Variants in MAPK10 observed in about 807,000 individuals in gnomAD.
MAPK10 encodes the protein mitogen-activated protein kinase 10.
MAPK10 carries 25 observed loss-of-function variants against 59.3 expected under a neutral mutation model. That is an observed-to-expected ratio of 0.42 (90% CI 0.31 to 0.59). The LOEUF is 0.59. Ranked by LOEUF, MAPK10 falls within the 20% of genes least tolerant of loss-of-function variation. The probability of loss-of-function intolerance (pLI) is 0.15; values close to 1 mark genes in which losing one functional copy is unlikely to be tolerated. For missense variants in MAPK10, 351 were observed against 568.9 expected (o/e 0.62, Z 3.90); for synonymous variants, 190 against 200.5 (o/e 0.95, Z 0.44).
chr4:86,074,461 G>A lies in MAPK10; in HGVS notation c.803-6506C>T, dbSNP rs200440959. 3.7e-3 allele frequency among the ~76,000 whole-genome samples: 554 copies of A among 149,492 alleles called. 22 individuals are homozygous for A. In the East Asian group the frequency reaches 0.09, roughly 24 times the overall value. ...ATGATGTTAGCTGGTGATTTTGCTC[G>A]TTAGTTGATGCAGTTTCTTCCTAGT... On this transcript the variant is annotated intron_variant, in intron 9 of 13. Transcript: ENST00000641462.
intron 2 of MAPK10, among the ~76,000 whole-genome samples, chr4:86,214,394 G>GA (rs931824461): frequency 8.7e-5 from 13 of 149,558 alleles, no homozygotes; most frequent in Middle Eastern, 3.2e-3. Context: ...AGCAATTAGG[G>GA]AAAAAAACAG....
At chr4:86,254,894 A>G (rs2093635747) in intron 2 of MAPK10, among the ~76,000 whole-genome samples, 1 of 152,088 alleles carries the variant, frequency 6.6e-6, no homozygotes, top group Admixed American at 6.6e-5. Context: ...TATTCTCGGA[A>G]ATACCAAAAC....
chr4:86,498,085 C>T (rs1755021837), intron 1 of MAPK10, among the ~76,000 whole-genome samples: 1 of 152,230 alleles, frequency 6.6e-6, no homozygotes, highest in Non-Finnish European at 1.5e-5. Flanking sequence ...AGACAATGTG[C>T]TTTCTGTTTT....
chr4:86,113,196 G>A (rs77244443), intron 4 of MAPK10, among the ~76,000 whole-genome samples: 2,264 of 151,768 alleles, frequency 0.015, 57 homozygotes, highest in African/African-American at 0.052. Context: ...TTTTAATTAG[G>A]GTATTTAGCC....
At chr4:86,036,160 T>A (rs1387679979) in intron 11 of MAPK10, among the ~76,000 whole-genome samples, 1 of 152,148 alleles carries the variant, frequency 6.6e-6, no homozygotes, top group Non-Finnish European at 1.5e-5. Context: ...GGATTTTGAC[T>A]CGCAGGGCAC....
At chr4:86,285,830 A>G (rs1460557388) in intron 2 of MAPK10, among the ~76,000 whole-genome samples, 2 of 152,214 alleles carry the variant, frequency 1.3e-5, no homozygotes, top group East Asian at 1.9e-4. Context: ...AGGGAAGCCA[A>G]TGGTATGAGT....
chr4:86,584,860 A>G (rs1160685204), intron 1 of MAPK10, among the ~76,000 whole-genome samples: 1 of 152,180 alleles, frequency 6.6e-6, no homozygotes, highest in Non-Finnish European at 1.5e-5. Context: ...TCAAGCTGCT[A>G]TTGGTGAAGA....
At chr4:86,211,590 G>A (rs979328424) in intron 2 of MAPK10, among the ~76,000 whole-genome samples, 2 of 151,980 alleles carry the variant, frequency 1.3e-5, no homozygotes, top group Admixed American at 6.6e-5. Context: ...AAGTCATTCG[G>A]GTTAAAATGA....
At chr4:86,584,300 C>T (rs1762512531) in intron 1 of MAPK10, among the ~76,000 whole-genome samples, 1 of 152,120 alleles carries the variant, frequency 6.6e-6, no homozygotes, top group African/African-American at 2.4e-5. Context: ...TAAGCAGCAG[C>T]AGACGTGTCA....
intron 1 of MAPK10, among the ~76,000 whole-genome samples, chr4:86,425,841 C>T (rs755497654): frequency 6.6e-6 from 1 of 152,114 alleles, no homozygotes; most frequent in East Asian, 1.9e-4. Context: ...CATGGTGGCA[C>T]ATGCCTGTAA....
intron 11 of MAPK10, among the ~76,000 whole-genome samples, chr4:86,036,785 T>C (rs2040400968): frequency 6.6e-6 from 1 of 152,350 alleles, no homozygotes; most frequent in African/African-American, 2.4e-5. Context: ...ATTTTATGCT[T>C]ATTGTCCTTG....
At chr4:86,203,753 T>A (rs1208229087) in intron 2 of MAPK10, among the ~76,000 whole-genome samples, 1 of 150,860 alleles carries the variant, frequency 6.6e-6, no homozygotes, top group Non-Finnish European at 1.5e-5. Flanking sequence ...ATAGACACAC[T>A]CTGTCTCTTC....
In MAPK10 at chr4:86,014,924, G is replaced by A. The variant is rs1047728028; in HGVS notation, c.*2304C>T. On this transcript the variant is annotated 3_prime_UTR_variant, in exon 14 of 14. Transcript: ENST00000641462. ...ATCCCATGTGGTATAAAGTAAGGGA[G>A]GGGAGAAGCCACAGATATATCAAGA... is the stretch of plus-strand genomic sequence containing the variant. The A allele has an allele frequency of 2.0e-5, 3 of 151,578 alleles. No homozygotes were observed. Among genetic ancestry groups the A allele is most frequent in the Admixed American group, 6.6e-5 (1 of 15,216 alleles). 9.4% of individuals were successfully genotyped at this position (151,578 alleles called of 1,614,324 possible).
At chr4:86,401,451 G>A (rs1259919450) in intron 1 of MAPK10, among the ~76,000 whole-genome samples, 1 of 152,134 alleles carries the variant, frequency 6.6e-6, no homozygotes, top group Non-Finnish European at 1.5e-5. Flanking sequence ...ATTACAATTG[G>A]TAGAAAGATG....
chr4:86,028,421 GATTA>G (rs1751432533), intron 13 of MAPK10: 1 of 152,068 alleles, frequency 6.6e-6, no homozygotes. Flanking sequence ...ATGAATAATT[GATTA>G]ATTATTTCAT....
At chr4:86,273,197 G>A (rs902997854) in intron 2 of MAPK10, among the ~76,000 whole-genome samples, 5 of 151,772 alleles carry the variant, frequency 3.3e-5, no homozygotes, top group Non-Finnish European at 5.9e-5. Flanking sequence ...AAAGTCTAAC[G>A]TAATAAAAAG....
intron 2 of MAPK10, among the ~76,000 whole-genome samples, chr4:86,263,160 T>C (rs1279066005): frequency 6.6e-6 from 1 of 152,194 alleles, no homozygotes; most frequent in African/African-American, 2.4e-5. Flanking sequence ...CAGCTTCTTG[T>C]TGTTACTTTC....
At chr4:86,150,588 G>A (rs532858329) in intron 4 of MAPK10, among the ~76,000 whole-genome samples, 4 of 152,236 alleles carry the variant, frequency 2.6e-5, no homozygotes, top group East Asian at 1.9e-4. Flanking sequence ...TTGGCCAGGC[G>A]CGGTGGCTCA....
intron 13 of MAPK10, chr4:86,028,361 T>A (rs1751391043): frequency 6.6e-6 from 1 of 152,092 alleles, no homozygotes; most frequent in Non-Finnish European, 1.5e-5. Flanking sequence ...TCTGTTTGGG[T>A]ATCATAGTGG....
Sources: gnomAD v4.1 joint callset for allele counts (sites outside exome capture counted in the v4.1 genomes callset) on GRCh38, gnomAD v4.1.1 for gene constraint, MANE v1.5 for transcripts, NCBI Gene and HGNC (gene_info 2026-07-23, HGNC 2026-07-21) for gene names.